The following JAM3 variants were observed in gnomAD, a reference collection of about 807,000 sequenced individuals.
The protein encoded by JAM3 is junctional adhesion molecule 3, also known as junctional adhesion molecule C.
Under a neutral mutation model 39.4 loss-of-function variants are expected in JAM3, and 31 were observed. The observed-to-expected ratio is 0.79, with a 90% CI of 0.59 to 1.06. The LOEUF is 1.06. JAM3 is among the 50% of genes least tolerant of loss of function. The probability of loss-of-function intolerance (pLI) is 0.00; values close to 1 mark genes in which losing one functional copy is unlikely to be tolerated. For missense variants in JAM3, 455 were observed against 391.4 expected (o/e 1.16, Z -1.37); for synonymous variants, 182 against 148.7 (o/e 1.22, Z -1.63).
At chr11:134,118,187 A>C (rs2079535161) in intron 1 of JAM3, among the ~76,000 whole-genome samples, 2 of 152,328 alleles carry the variant, frequency 1.3e-5, no homozygotes, top group South Asian at 4.1e-4. Flanking sequence ...TTAGTCATAC[A>C]CATTTGTCAT....
At chr11:134,106,363 CTTAAATG>C (rs1457468605) in intron 1 of JAM3, among the ~76,000 whole-genome samples, 24 of 152,170 alleles carry the variant, frequency 1.6e-4, no homozygotes, top group African/African-American at 5.8e-4. Flanking sequence ...GGATTAAAGA[CTTAAATG>C]TTAGACCTAA....
intron 1 of JAM3, among the ~76,000 whole-genome samples, chr11:134,120,082 T>C (rs76323484): frequency 0.01 from 1,575 of 151,580 alleles, 24 homozygotes; most frequent in African/African-American, 0.037. Context: ...CTTAAAAAAT[T>C]GGTGAAGGAA....
chr11:134,144,104 G>A, intron 3 of JAM3, 137 bp from the exon 4 acceptor site: 1 of 820,224 alleles, frequency 1.2e-6, no homozygotes, highest in South Asian at 1.5e-5. Flanking sequence ...GTTCACTTCT[G>A]TACTCGGGAA....
At position 134,111,133 on chromosome 11, in the gene JAM3, C is replaced by CTTTTTTTTT. The variant is rs71038561; in HGVS notation, c.77-28698_77-28690dup. On this transcript the variant is annotated intron_variant, in intron 1 of 8. Coordinates refer to ENST00000299106, the MANE Select transcript of JAM3 (RefSeq NM_032801.5). ...TGTACCATACCCAACACACATCCAT[C>CTTTTTTTTT]TTTTTTTTTTTTTTTTTTTTTTTTT... Among the ~76,000 whole-genome samples the CTTTTTTTTT allele has an allele frequency of 6.7e-4, 58 of 86,776 alleles. 8 individuals are homozygous for CTTTTTTTTT. Among genetic ancestry groups the CTTTTTTTTT allele is most frequent in the African/African-American group, 3.2e-3 (58 of 18,144 alleles). 56.9% of individuals were successfully genotyped at this position (86,776 alleles called of 152,430 possible). A position where few individuals can be genotyped will look rare whatever the true frequency, so the allele number is the denominator to read the frequency against.
chr11:134,081,037 C>T (rs1941657082), intron 1 of JAM3, among the ~76,000 whole-genome samples: 1 of 152,062 alleles, frequency 6.6e-6, no homozygotes, highest in South Asian at 2.1e-4. Flanking sequence ...TTGCCCCTGC[C>T]CTAGAGATTT....
At position 134,151,841 on chromosome 11, in the gene JAM3, T is replaced by C. The variant is rs1264770316; in HGVS notation, c.*2660T>C. ...AGTGGTTAGGCATGCACACTAAAAA[T>C]GCTATCAATCACCCATCCACCAGGG... On this transcript the variant is annotated 3_prime_UTR_variant, in exon 9 of 9. Transcript: ENST00000299106. 1 of 134,278 alleles carries C rather than the reference T, an allele frequency of 7.4e-6. No individual in the cohort carries two copies. Among genetic ancestry groups the C allele is most frequent in the African/African-American group, 2.5e-5 (1 of 40,292 alleles). 8.3% of individuals were successfully genotyped at this position (134,278 alleles called of 1,614,324 possible).
intron 8 of JAM3, 80 bp downstream of exon 8, chr11:134,148,898 C>G: frequency 6.9e-7 from 1 of 1,442,114 alleles, no homozygotes; most frequent in East Asian, 2.3e-5. Flanking sequence ...ACACGGGTCT[C>G]CTGGGAAGAT....
chr11:134,120,402 T>C (rs560144509), intron 1 of JAM3, among the ~76,000 whole-genome samples: 6 of 152,340 alleles, frequency 3.9e-5, no homozygotes, highest in African/African-American at 1.4e-4. Flanking sequence ...TAGTTCTTAG[T>C]GAGCAACACA....
intron 6 of JAM3, chr11:134,147,825 C>G (rs1296396417): frequency 6.5e-6 from 1 of 152,756 alleles, no homozygotes; most frequent in Non-Finnish European, 1.5e-5. Context: ...CTTTGAGAAC[C>G]AATACACTAG....
chr11:134,075,602 T>G (rs1191653081), intron 1 of JAM3, among the ~76,000 whole-genome samples: 1 of 152,110 alleles, frequency 6.6e-6, no homozygotes, highest in African/African-American at 2.4e-5. Context: ...TTTTGAACAT[T>G]TTTTTGTAGA....
At position 134,144,251 on chromosome 11, in the gene JAM3, G is replaced by A. The variant is rs140641472; in HGVS notation, c.267G>A (p.Ala89=). Residue 89 remains alanine (A), a synonymous_variant, in exon 4 of 9, where the codon GCG becomes GCA. Coordinates refer to ENST00000299106, the MANE Select transcript of JAM3 (RefSeq NM_032801.5). ...FFDNKIQGDL[A]GRAEILGKTS... ...GTGTCTTTTCTGTAGGAGACTTGGCGGGTCGTGCAGAAATACTGGGGAAGA... is the reference window on the plus strand; with the variant it reads ...GTGTCTTTTCTGTAGGAGACTTGGCAGGTCGTGCAGAAATACTGGGGAAGA... 147 of 1,614,150 alleles carry A rather than the reference G, an allele frequency of 9.1e-5. No individual in the cohort carries two copies. The highest frequency in any genetic ancestry group is 8.0e-4 in the African/African-American group (60 of 75,034).
At chr11:134,088,346 A>C (rs1223012470) in intron 1 of JAM3, among the ~76,000 whole-genome samples, 2 of 152,202 alleles carry the variant, frequency 1.3e-5, no homozygotes, top group African/African-American at 4.8e-5. Flanking sequence ...TTGCTAAAGA[A>C]GCATTGCTTT....
At chr11:134,144,207 A>T in intron 3 of JAM3, 34 bp from the exon 4 acceptor site, 1 of 1,613,830 alleles carries the variant, frequency 6.2e-7, no homozygotes, top group Non-Finnish European at 8.5e-7. Context: ...ATTTCTTTAA[A>T]GAAGTTTTTT....
At chr11:134,111,537 C>T (rs1006521943) in intron 1 of JAM3, among the ~76,000 whole-genome samples, 1 of 149,636 alleles carries the variant, frequency 6.7e-6, no homozygotes, top group African/African-American at 2.6e-5. Flanking sequence ...TCTACTTCTC[C>T]TCATACCATT....
At chr11:134,107,957 C>T (rs1346626038) in intron 1 of JAM3, among the ~76,000 whole-genome samples, 1 of 151,766 alleles carries the variant, frequency 6.6e-6, no homozygotes, top group Non-Finnish European at 1.5e-5. Context: ...AAGGTAAAAG[C>T]AGAAATCATG....
At chr11:134,105,051 A>T (rs556784319) in intron 1 of JAM3, among the ~76,000 whole-genome samples, 2 of 152,262 alleles carry the variant, frequency 1.3e-5, no homozygotes, top group East Asian at 3.9e-4. Context: ...GAGACACAAA[A>T]AAAGAGAATT....
At chr11:134,148,414 C>A in intron 6 of JAM3, 133 bp from the exon 7 acceptor site, 2 of 1,023,644 alleles carry the variant, frequency 2.0e-6, no homozygotes, top group Middle Eastern at 3.0e-4. Flanking sequence ...GTTCTCTCTT[C>A]TAGCTGGGGT....
At chr11:134,124,179 T>C in intron 1 of JAM3, 1 of 1,463,672 alleles carries the variant, frequency 6.8e-7, no homozygotes, top group Non-Finnish European at 9.6e-7. Context: ...AGCTTTATCA[T>C]ACGTAGCATC....
At chr11:134,072,535 C>G (rs1480058517) in intron 1 of JAM3, among the ~76,000 whole-genome samples, 1 of 152,152 alleles carries the variant, frequency 6.6e-6, no homozygotes, top group South Asian at 2.1e-4. Flanking sequence ...GTCTTGAACT[C>G]CTGACCTCAA....
Sources: gnomAD v4.1 joint callset for allele counts (sites outside exome capture counted in the v4.1 genomes callset) on GRCh38, gnomAD v4.1.1 for gene constraint, MANE v1.5 for transcripts, NCBI Gene and HGNC (gene_info 2026-07-23, HGNC 2026-07-21) for gene names.